FHIT: variants seen among roughly 807,000 people sequenced by gnomAD.
The protein encoded by FHIT is fragile histidine triad diadenosine triphosphatase.
FHIT carries 19 observed loss-of-function variants against 17.9 expected under a neutral mutation model. The observed-to-expected ratio is 1.06, with a 90% CI of 0.74 to 1.56. The LOEUF is 1.56. Ranked by LOEUF, FHIT falls within the 40% of genes most tolerant of loss-of-function variation. The probability of loss-of-function intolerance (pLI) is 0.00; values close to 1 mark genes in which losing one functional copy is unlikely to be tolerated. For synonymous variants in FHIT, 81 were observed against 69.7 expected (o/e 1.16, Z -0.81); for missense variants, 248 against 189.2 (o/e 1.31, Z -1.82).
chr3:61,009,748 T>C (rs2031682192), intron 3 of FHIT, among the ~76,000 whole-genome samples: 1 of 152,080 alleles, frequency 6.6e-6, no homozygotes, highest in Non-Finnish European at 1.5e-5. Flanking sequence ...TTAAGAAAAA[T>C]ACATATCCTG....
At chr3:60,724,663 T>G (rs537802225) in intron 4 of FHIT, among the ~76,000 whole-genome samples, 69 of 149,552 alleles carry the variant, frequency 4.6e-4, no homozygotes, top group South Asian at 1.1e-3. Context: ...TTTTTTTGTT[T>G]TTTTTTTTTT....
intron 5 of FHIT, among the ~76,000 whole-genome samples, chr3:60,356,063 T>C (rs1699640702): frequency 6.6e-6 from 1 of 152,188 alleles, no homozygotes; most frequent in Admixed American, 6.5e-5. Flanking sequence ...TAGTTCACAC[T>C]GTACCAGAGA....
chr3:60,224,288 C>T (rs1360055750), intron 5 of FHIT, among the ~76,000 whole-genome samples: 1 of 152,130 alleles, frequency 6.6e-6, no homozygotes, highest in Admixed American at 6.5e-5. Context: ...CCCACTATCC[C>T]TCTTGTGAAA....
At chr3:60,196,632 C>T (rs373640808) in intron 5 of FHIT, among the ~76,000 whole-genome samples, 1 of 152,064 alleles carries the variant, frequency 6.6e-6, no homozygotes, top group East Asian at 1.9e-4. Flanking sequence ...TTAGGGACCA[C>T]ACACCCGCCC....
chr3:61,219,063 C>G (rs938784951), intron 1 of FHIT, among the ~76,000 whole-genome samples: 9 of 152,136 alleles, frequency 5.9e-5, no homozygotes, highest in African/African-American at 9.7e-5. Context: ...GCCTATTGCT[C>G]CTAGGTTACA....
chr3:59,753,471 T>C (rs1412221520), intron 8 of FHIT, among the ~76,000 whole-genome samples: 4 of 152,150 alleles, frequency 2.6e-5, no homozygotes, highest in Non-Finnish European at 5.9e-5. Flanking sequence ...AATGCTCAAT[T>C]TTCTCCCTTA....
chr3:59,854,084 C>T (rs1051050450), intron 8 of FHIT, among the ~76,000 whole-genome samples: 5 of 152,208 alleles, frequency 3.3e-5, no homozygotes, highest in Non-Finnish European at 5.9e-5. Flanking sequence ...TTGGGTACTT[C>T]GAGTACATGA....
intron 5 of FHIT, among the ~76,000 whole-genome samples, chr3:60,018,110 G>T (rs1391382303): frequency 3.3e-5 from 5 of 152,188 alleles, no homozygotes; most frequent in African/African-American, 1.2e-4. Context: ...TTCTGAATTT[G>T]GTGGAGGCCT....
intron 5 of FHIT, among the ~76,000 whole-genome samples, chr3:60,308,088 C>T (rs1252631009): frequency 6.6e-6 from 1 of 152,148 alleles, no homozygotes; most frequent in Non-Finnish European, 1.5e-5. Flanking sequence ...TGCACAGCAG[C>T]AATCTTGGGA....
intron 5 of FHIT, among the ~76,000 whole-genome samples, chr3:60,170,650 A>G (rs1398196846): frequency 6.6e-6 from 1 of 152,174 alleles, no homozygotes; most frequent in Non-Finnish European, 1.5e-5. Flanking sequence ...TATCTTTTAA[A>G]AATGAAAGAA....
intron 8 of FHIT, among the ~76,000 whole-genome samples, chr3:59,911,733 T>C (rs2107142339): frequency 6.6e-6 from 1 of 152,290 alleles, no homozygotes; most frequent in East Asian, 1.9e-4. Flanking sequence ...GGGGGAGGTT[T>C]TGACAGGAGG....
Position 60,328,962 on chromosome 3 carries a change from A to C in FHIT, c.103+207898T>G, listed in dbSNP as rs558226514. Among the ~76,000 whole-genome samples the C allele has an allele frequency of 3.3e-5, 5 of 152,318 alleles. No individual in the cohort carries two copies. In the East Asian group the frequency reaches 9.7e-4, roughly 29 times the overall value. ...ATTAGTCGATTCAGGACCTCAATACACAATAGAAGAATCCATCCATTATCT... is the reference window on the plus strand; with the variant it reads ...ATTAGTCGATTCAGGACCTCAATACCCAATAGAAGAATCCATCCATTATCT... On this transcript the variant is annotated intron_variant, in intron 5 of 9. Coordinates refer to ENST00000492590, the MANE Select transcript of FHIT (RefSeq NM_002012.4).
At chr3:60,583,030 ATGGTCCC>A (rs1553660251) in intron 4 of FHIT, among the ~76,000 whole-genome samples, 1 of 151,876 alleles carries the variant, frequency 6.6e-6, no homozygotes, top group East Asian at 2.0e-4. Context: ...GAGAAGCAAC[ATGGTCCC>A]TATGCGTAAG....
intron 8 of FHIT, among the ~76,000 whole-genome samples, chr3:59,835,694 A>C (rs115514730): frequency 0.039 from 5,885 of 152,152 alleles, 131 homozygotes; most frequent in Admixed American, 0.054. Context: ...TACGAGAATC[A>C]CCCCTCTGTA....
intron 7 of FHIT, among the ~76,000 whole-genome samples, chr3:59,957,292 G>A (rs1384783025): frequency 2.0e-5 from 3 of 152,204 alleles, no homozygotes; most frequent in Non-Finnish European, 4.4e-5. Context: ...GAAACCAGGG[G>A]TGTGCATTCG....
At chr3:60,369,130 G>A (rs759020155) in intron 5 of FHIT, among the ~76,000 whole-genome samples, 28 of 149,836 alleles carry the variant, frequency 1.9e-4, no homozygotes, top group Non-Finnish European at 3.6e-4. Flanking sequence ...GCACCAACAC[G>A]CCTTGCTAAT....
chr3:60,216,092 GA>G (rs1269390431), intron 5 of FHIT, among the ~76,000 whole-genome samples: 1 of 152,098 alleles, frequency 6.6e-6, no homozygotes, highest in Non-Finnish European at 1.5e-5. Context: ...ATCAAAGGGG[GA>G]TCAACACTGA....
chr3:60,834,956 A>G (rs574366889), intron 3 of FHIT, among the ~76,000 whole-genome samples: 2 of 152,146 alleles, frequency 1.3e-5, no homozygotes, highest in Non-Finnish European at 2.9e-5. Context: ...TATATCACCA[A>G]TATATCATTT....
chr3:60,685,331 C>G (rs1353494880), intron 4 of FHIT, among the ~76,000 whole-genome samples: 1 of 152,150 alleles, frequency 6.6e-6, no homozygotes, highest in Non-Finnish European at 1.5e-5. Context: ...CTAAAAAACC[C>G]TAAGAGAGAA....
Sources: gnomAD v4.1 joint callset for allele counts (sites outside exome capture counted in the v4.1 genomes callset) on GRCh38, gnomAD v4.1.1 for gene constraint, MANE v1.5 for transcripts, NCBI Gene and HGNC (gene_info 2026-07-23, HGNC 2026-07-21) for gene names.